The following ARB2A variants were observed in gnomAD, a reference collection of about 807,000 sequenced individuals.
ARB2A encodes ARB2 cotranscriptional regulator A, also known as cotranscriptional regulator ARB2A.
chr5:93,710,813 TTTAG>T, the ARB2A span, among the ~76,000 whole-genome samples: 3 of 152,210 alleles, frequency 2.0e-5, no homozygotes, highest in African/African-American at 7.2e-5. Flanking sequence ...CTGCAAACAT[TTTAG>T]TTAGTCTGCT....
At chr5:93,971,591 A>AATAAATAAATAAATAC in the ARB2A span, among the ~76,000 whole-genome samples, 1 of 150,604 alleles carries the variant, frequency 6.6e-6, no homozygotes, top group Non-Finnish European at 1.5e-5. Context: ...TAAATAAATA[A>AATAAATAAATAAATAC]ATAAATAAAT....
the ARB2A span, among the ~76,000 whole-genome samples, chr5:94,082,113 C>T: frequency 6.6e-6 from 1 of 152,164 alleles, no homozygotes; most frequent in Non-Finnish European, 1.5e-5. Context: ...AATCACAGTG[C>T]ACTGGTCTAG....
chr5:94,099,549 G>A, the ARB2A span, among the ~76,000 whole-genome samples: 13 of 149,792 alleles, frequency 8.7e-5, no homozygotes, highest in South Asian at 8.5e-4. Flanking sequence ...GCATGAACCC[G>A]GGAGGCAGAG....
the ARB2A span, among the ~76,000 whole-genome samples, chr5:94,057,266 A>C: frequency 6.6e-6 from 1 of 152,142 alleles, no homozygotes; most frequent in Non-Finnish European, 1.5e-5. Flanking sequence ...TGCAAAGTGA[A>C]ATAAGCTGAC....
chr5:93,783,074 A>T, the ARB2A span, among the ~76,000 whole-genome samples: 1 of 152,138 alleles, frequency 6.6e-6, no homozygotes, highest in Admixed American at 6.5e-5. Flanking sequence ...GAAATACTTA[A>T]AAAGTAAACC....
chr5:93,620,742 A>T, the ARB2A span: 4 of 400,066 alleles, frequency 1.0e-5, no homozygotes, highest in Non-Finnish European at 1.7e-5. Context: ...CCTTAATGTG[A>T]GCGCTGACTG....
At chr5:93,784,341 T>C in the ARB2A span, 1 of 1,425,638 alleles carries the variant, frequency 7.0e-7, no homozygotes, top group Non-Finnish European at 9.9e-7. Flanking sequence ...ATATAAAGGC[T>C]CACACCCATT....
the ARB2A span, among the ~76,000 whole-genome samples, chr5:94,111,279 G>C: frequency 6.6e-6 from 1 of 152,134 alleles, no homozygotes; most frequent in African/African-American, 2.4e-5. Flanking sequence ...AAGTCATCCA[G>C]GGAACACACA....
At chr5:93,650,277 A>C in the ARB2A span, among the ~76,000 whole-genome samples, 1 of 152,304 alleles carries the variant, frequency 6.6e-6, no homozygotes, top group East Asian at 1.9e-4. Flanking sequence ...GGAAGTGGCT[A>C]TAATGTGCTA....
the ARB2A span, among the ~76,000 whole-genome samples, chr5:94,042,371 C>T: frequency 6.9e-6 from 1 of 145,876 alleles, no homozygotes; most frequent in Non-Finnish European, 1.5e-5. Context: ...CCAGGCGCGA[C>T]CTCAGCTCAC....
chr5:94,103,013 C>T, the ARB2A span, among the ~76,000 whole-genome samples: 3 of 152,058 alleles, frequency 2.0e-5, no homozygotes, highest in South Asian at 4.2e-4. Flanking sequence ...GAGGTCCTTA[C>T]GGAAGCACTA....
At chr5:94,035,210 T>TACATATACATATACATATACATAC in the ARB2A span, among the ~76,000 whole-genome samples, 1 of 148,248 alleles carries the variant, frequency 6.7e-6, no homozygotes, top group Non-Finnish European at 1.5e-5. Context: ...CATATACATA[T>TACATATACATATACATATACATAC]ACATATACAT....
the ARB2A span, among the ~76,000 whole-genome samples, chr5:93,839,000 C>T: frequency 6.6e-6 from 1 of 152,172 alleles, no homozygotes; most frequent in East Asian, 1.9e-4. Context: ...GATAGTTTGA[C>T]TTCCTCTCTT....
At chr5:93,661,330 G>A in the ARB2A span, among the ~76,000 whole-genome samples, 2 of 152,140 alleles carry the variant, frequency 1.3e-5, no homozygotes, top group African/African-American at 4.8e-5. Context: ...CCAAACTAGG[G>A]ATAGTAATTT....
the ARB2A span, chr5:93,866,133 T>A: frequency 1.0e-6 from 1 of 985,260 alleles, no homozygotes; most frequent in Non-Finnish European, 1.2e-6. Flanking sequence ...AAGAGGATAA[T>A]ACAAGCAATC....
At chr5:94,098,972 T>C in the ARB2A span, among the ~76,000 whole-genome samples, 1 of 151,876 alleles carries the variant, frequency 6.6e-6, no homozygotes, top group Non-Finnish European at 1.5e-5. Context: ...GCTCCAAAAC[T>C]GAATCACTAA....
chr5:93,787,321 T>C, the ARB2A span, among the ~76,000 whole-genome samples: 3 of 152,206 alleles, frequency 2.0e-5, no homozygotes, highest in East Asian at 1.9e-4. Context: ...AAGTGTTGGA[T>C]AGAAGTGATG....
chr5:93,890,333 A>C, the ARB2A span, among the ~76,000 whole-genome samples: 123 of 151,574 alleles, frequency 8.1e-4, no homozygotes, highest in African/African-American at 2.9e-3. Flanking sequence ...ATTATTTACC[A>C]CGTAAATTAT....
At chr5:93,966,833 G>A in the ARB2A span, among the ~76,000 whole-genome samples, 3 of 151,864 alleles carry the variant, frequency 2.0e-5, no homozygotes, top group Non-Finnish European at 2.9e-5. Context: ...CATACTACTC[G>A]AATATCGTTA....
Sources: gnomAD v4.1 joint callset for allele counts (sites outside exome capture counted in the v4.1 genomes callset) on GRCh38, gnomAD v4.1.1 for gene constraint, MANE v1.5 for transcripts, NCBI Gene and HGNC (gene_info 2026-07-23, HGNC 2026-07-21) for gene names.